MNAT1: variants seen among roughly 807,000 people sequenced by gnomAD.
The protein encoded by MNAT1 is CDK-activating kinase assembly factor MAT1.
A neutral mutation model predicts 42.0 loss-of-function variants in MNAT1; 43 were observed. That is an observed-to-expected ratio of 1.02 (90% CI 0.80 to 1.32). The LOEUF is 1.32. MNAT1 is among the 40% of genes most tolerant of loss of function. MNAT1 has a pLI of 0.00. For missense variants in MNAT1, 306 were observed against 350.4 expected (o/e 0.87, Z 1.01); for synonymous variants, 118 against 120.0 (o/e 0.98, Z 0.11).
chr14:60,858,674 TG>T (rs967592837), intron 6 of MNAT1, among the ~76,000 whole-genome samples: 3 of 152,182 alleles, frequency 2.0e-5, no homozygotes, highest in African/African-American at 7.2e-5. Context: ...TTCATTGTTG[TG>T]CCATTTTAAG....
At chr14:60,924,209 G>A (rs1215192266) in intron 7 of MNAT1, among the ~76,000 whole-genome samples, 2 of 152,112 alleles carry the variant, frequency 1.3e-5, no homozygotes, top group African/African-American at 4.8e-5. Context: ...TAACTGTAAT[G>A]AAACTGGTAG....
At chr14:60,918,776 A>G (rs1158919893) in intron 7 of MNAT1, among the ~76,000 whole-genome samples, 2 of 149,770 alleles carry the variant, frequency 1.3e-5, no homozygotes, top group Admixed American at 6.7e-5. Flanking sequence ...TTAAAAATAC[A>G]TACTTGAGTG....
rs201031802 is a variant in MNAT1 at position 60,818,659 on chromosome 14, A to G, written c.562-63A>G. 193 of 1,382,502 alleles carry G rather than the reference A, an allele frequency of 1.4e-4. 1 individual carries two copies. In the East Asian group the frequency reaches 3.8e-3, roughly 27 times the overall value. 85.6% of individuals were successfully genotyped at this position (1,382,502 alleles called of 1,614,324 possible). ...ATGGAAAAGACATAATTTAAAATAA[A>G]AGTCTTGTTGTTTTTAGTTTTCCCT... is the stretch of plus-strand genomic sequence containing the variant. On this transcript the variant is annotated intron_variant, in intron 5 of 7. Transcript: ENST00000261245.
At chr14:60,901,560 A>C (rs1459547750) in intron 7 of MNAT1, among the ~76,000 whole-genome samples, 1 of 152,212 alleles carries the variant, frequency 6.6e-6, no homozygotes, top group Non-Finnish European at 1.5e-5. Flanking sequence ...GAAACAATTC[A>C]TTACTCTAGA....
In MNAT1 at chr14:60,836,347, A is replaced by G. The variant is rs148670807; in HGVS notation, c.687+17500A>G. On this transcript the variant is annotated intron_variant, in intron 6 of 7. Transcript: ENST00000261245. ...TTTTTGGAATTTTCAGCCTTTTTGC[A>G]CTGGTTTTTCTTCATCTTTGTGGAT... Among the ~76,000 whole-genome samples, 169 of 152,180 alleles carry G rather than the reference A, an allele frequency of 1.1e-3. No homozygotes were observed. The East Asian group carries it at 0.023, about 21-fold the overall frequency.
chr14:60,956,754 C>T (rs1207193174), intron 7 of MNAT1, among the ~76,000 whole-genome samples: 1 of 151,934 alleles, frequency 6.6e-6, no homozygotes, highest in African/African-American at 2.4e-5. Context: ...ATCTAGTGAC[C>T]TTCTTTGTTT....
At chr14:60,735,020 C>T in intron 1 of MNAT1, 69 bp downstream of exon 1, 1 of 1,445,972 alleles carries the variant, frequency 6.9e-7, no homozygotes, top group Non-Finnish European at 9.7e-7. Flanking sequence ...CCGGGAGATG[C>T]TAGGCCTCGT....
intron 6 of MNAT1, among the ~76,000 whole-genome samples, chr14:60,874,133 C>T (rs959921741): frequency 1.3e-5 from 2 of 152,198 alleles, no homozygotes; most frequent in African/African-American, 4.8e-5. Context: ...TGTATTCACG[C>T]TCTCTTTTCA....
At chr14:60,789,479 T>C (rs2031751715) in intron 1 of MNAT1, among the ~76,000 whole-genome samples, 1 of 152,084 alleles carries the variant, frequency 6.6e-6, no homozygotes, top group Non-Finnish European at 1.5e-5. Context: ...TTGCCACAAA[T>C]CTTGAATTTG....
At chr14:60,956,123 T>A (rs1203051079) in intron 7 of MNAT1, among the ~76,000 whole-genome samples, 4 of 152,106 alleles carry the variant, frequency 2.6e-5, no homozygotes, top group African/African-American at 9.6e-5. Flanking sequence ...TTTTTAAGTA[T>A]TGTCTTTTAT....
chr14:60,937,701 T>G (rs547175266), intron 7 of MNAT1, among the ~76,000 whole-genome samples: 1 of 152,194 alleles, frequency 6.6e-6, no homozygotes, highest in African/African-American at 2.4e-5. Flanking sequence ...TAGGATTGAC[T>G]TGGCGATGCG....
At chr14:60,792,455 T>C (rs2031859500) in intron 1 of MNAT1, among the ~76,000 whole-genome samples, 1 of 152,216 alleles carries the variant, frequency 6.6e-6, no homozygotes, top group Non-Finnish European at 1.5e-5. Context: ...GAAGAATTTA[T>C]TGTAAAAATA....
chr14:60,914,618 A>G (rs2035471932), intron 7 of MNAT1, among the ~76,000 whole-genome samples: 1 of 151,880 alleles, frequency 6.6e-6, no homozygotes, highest in Non-Finnish European at 1.5e-5. Flanking sequence ...AATAGAGTCC[A>G]CTCTGGGGAT....
chr14:60,940,197 C>G (rs1008902724), intron 7 of MNAT1, among the ~76,000 whole-genome samples: 4 of 152,122 alleles, frequency 2.6e-5, no homozygotes, highest in Admixed American at 1.3e-4. Flanking sequence ...ATTTGCCAGT[C>G]TGTGTCTTTT....
At chr14:60,888,359 C>T (rs1241727285) in intron 7 of MNAT1, among the ~76,000 whole-genome samples, 1 of 152,056 alleles carries the variant, frequency 6.6e-6, no homozygotes, top group Non-Finnish European at 1.5e-5. Context: ...ACATGATTAT[C>T]TCAATAGATG....
At chr14:60,957,174 T>C (rs1426365122) in intron 7 of MNAT1, among the ~76,000 whole-genome samples, 2 of 152,212 alleles carry the variant, frequency 1.3e-5, no homozygotes, top group Non-Finnish European at 2.9e-5. Flanking sequence ...TGTAGGTTTT[T>C]GCATTTTTGT....
chr14:60,777,218 G>A (rs1383004684), intron 1 of MNAT1, among the ~76,000 whole-genome samples: 1 of 152,134 alleles, frequency 6.6e-6, no homozygotes, highest in Non-Finnish European at 1.5e-5. Context: ...AATAGCTTTA[G>A]GAAACTAGCT....
intron 7 of MNAT1, among the ~76,000 whole-genome samples, chr14:60,891,672 C>T (rs542255161): frequency 2.0e-4 from 30 of 152,202 alleles, no homozygotes; most frequent in South Asian, 1.5e-3. Context: ...AGGCTGGTCT[C>T]GAACTCCTGA....
intron 7 of MNAT1, among the ~76,000 whole-genome samples, chr14:60,929,426 A>G (rs1025274586): frequency 2.6e-5 from 4 of 151,810 alleles, no homozygotes; most frequent in African/African-American, 9.7e-5. Context: ...TACCTCTTAC[A>G]TTTGGGCCTC....
Sources: gnomAD v4.1 joint callset for allele counts (sites outside exome capture counted in the v4.1 genomes callset) on GRCh38, gnomAD v4.1.1 for gene constraint, MANE v1.5 for transcripts, NCBI Gene and HGNC (gene_info 2026-07-23, HGNC 2026-07-21) for gene names.